Variants in SDC2 observed in about 807,000 individuals in gnomAD.
The protein encoded by SDC2 is syndecan 2.
Under a neutral mutation model 22.2 loss-of-function variants are expected in SDC2, and 13 were observed. The ratio of observed to expected loss-of-function variants is 0.59; its 90% confidence interval spans 0.38 to 0.93. The LOEUF (loss-of-function observed/expected upper bound fraction) is 0.93. Among genes scored for constraint, SDC2 ranks in the 40% least tolerant of loss-of-function variants. SDC2 has a pLI of 0.00. For missense variants in SDC2, 235 were observed against 246.8 expected (o/e 0.95, Z 0.32); for synonymous variants, 94 against 92.8 (o/e 1.01, Z -0.07).
intron 1 of SDC2, among the ~76,000 whole-genome samples, chr8:96,521,749 G>A (rs1018640189): frequency 6.6e-6 from 1 of 152,176 alleles, no homozygotes; most frequent in Non-Finnish European, 1.5e-5. Flanking sequence ...AGGTTGGGGA[G>A]CTAATTTCTT....
chr8:96,531,452 A>G (rs1331599087), intron 1 of SDC2, among the ~76,000 whole-genome samples: 1 of 152,204 alleles, frequency 6.6e-6, no homozygotes, highest in East Asian at 1.9e-4. Context: ...TAAACCCCAA[A>G]TTCAAGTTAA....
intron 1 of SDC2, among the ~76,000 whole-genome samples, chr8:96,564,670 T>A (rs1045704978): frequency 3.9e-5 from 6 of 152,206 alleles, no homozygotes; most frequent in African/African-American, 1.4e-4. Flanking sequence ...TTTCTTGTTT[T>A]CCTTACACAC....
At chr8:96,539,955 C>G (rs1813818211) in intron 1 of SDC2, among the ~76,000 whole-genome samples, 1 of 152,184 alleles carries the variant, frequency 6.6e-6, no homozygotes. Context: ...CAGGGTCTCA[C>G]TGTCACCCAG....
At chr8:96,564,718 C>G (rs1205641757) in intron 1 of SDC2, among the ~76,000 whole-genome samples, 1 of 152,122 alleles carries the variant, frequency 6.6e-6, no homozygotes, top group Admixed American at 6.6e-5. Context: ...ATAAAACTTT[C>G]CAAGAAAATA....
At chr8:96,549,793 A>G (rs1303845275) in intron 1 of SDC2, among the ~76,000 whole-genome samples, 1 of 152,206 alleles carries the variant, frequency 6.6e-6, no homozygotes, top group Non-Finnish European at 1.5e-5. Context: ...TTTTAGTTGA[A>G]TAAACATGTT....
At chr8:96,533,390 G>A (rs1451685360) in intron 1 of SDC2, among the ~76,000 whole-genome samples, 1 of 152,186 alleles carries the variant, frequency 6.6e-6, no homozygotes, top group Non-Finnish European at 1.5e-5. Context: ...GCTGATTGGT[G>A]CGTTTACAAT....
chr8:96,581,153 T>C (rs113347039), intron 1 of SDC2, among the ~76,000 whole-genome samples: 3 of 152,232 alleles, frequency 2.0e-5, no homozygotes, highest in Non-Finnish European at 4.4e-5. Context: ...TAATTGTCAC[T>C]AGTAAATTAC....
intron 3 of SDC2, among the ~76,000 whole-genome samples, chr8:96,605,036 A>G (rs1278486945): frequency 6.6e-6 from 1 of 152,148 alleles, no homozygotes; most frequent in East Asian, 1.9e-4. Flanking sequence ...TTCAGTTCCC[A>G]CACTCTCAGA....
intron 2 of SDC2, among the ~76,000 whole-genome samples, chr8:96,598,612 A>T (rs2575725): frequency 1.3e-5 from 2 of 151,756 alleles, no homozygotes; most frequent in Non-Finnish European, 2.9e-5. Flanking sequence ...GCAAAATTCC[A>T]TCTCAAAATA....
At chr8:96,556,697 T>C (rs1230455232) in intron 1 of SDC2, among the ~76,000 whole-genome samples, 16 of 152,238 alleles carry the variant, frequency 1.1e-4, no homozygotes, top group Admixed American at 8.5e-4. Flanking sequence ...GCAGTACCAT[T>C]GAGGACATAG....
At chr8:96,553,385 C>T (rs1014542043) in intron 1 of SDC2, among the ~76,000 whole-genome samples, 1 of 151,200 alleles carries the variant, frequency 6.6e-6, no homozygotes, top group South Asian at 2.1e-4. Flanking sequence ...ATACCTACAG[C>T]ATATTGTAAG....
intron 2 of SDC2, among the ~76,000 whole-genome samples, chr8:96,594,441 A>G (rs1209770069): frequency 6.6e-6 from 1 of 152,172 alleles, no homozygotes; most frequent in Non-Finnish European, 1.5e-5. Context: ...CAGCAAGTAG[A>G]AGTGTGCAAA....
chr8:96,513,074 C>T (rs960249128), intron 1 of SDC2, among the ~76,000 whole-genome samples: 11 of 152,108 alleles, frequency 7.2e-5, no homozygotes, highest in African/African-American at 2.4e-4. Flanking sequence ...TAAGGCCTTT[C>T]TCGCAAGCTT....
At chr8:96,566,342 G>A (rs1586303527) in intron 1 of SDC2, among the ~76,000 whole-genome samples, 1 of 152,188 alleles carries the variant, frequency 6.6e-6, no homozygotes, top group African/African-American at 2.4e-5. Context: ...CTATTTCAGA[G>A]CATTTGATTT....
Position 96,547,735 on chromosome 8 carries a change from A to ATT in SDC2, c.61-45733_61-45732dup, listed in dbSNP as rs201612267. Among the ~76,000 whole-genome samples, 400 of 145,260 alleles carry ATT rather than the reference A, an allele frequency of 2.8e-3. 9 individuals carry two copies. The East Asian group carries it at 0.068, about 25-fold the overall frequency. ...TTGACTTGGTATGGATCCTTGTTTG[A>ATT]TTTTTTTTTTTTTAAATTTTTATGT... is the stretch of plus-strand genomic sequence containing the variant. On this transcript the variant is annotated intron_variant, in intron 1 of 4. Transcript: ENST00000302190.
At chr8:96,562,162 T>C (rs1814220583) in intron 1 of SDC2, among the ~76,000 whole-genome samples, 1 of 152,208 alleles carries the variant, frequency 6.6e-6, no homozygotes, top group Non-Finnish European at 1.5e-5. Flanking sequence ...TTTGAGTTAA[T>C]TTTTGTGAAG....
At chr8:96,530,423 C>T (rs776247980) in intron 1 of SDC2, among the ~76,000 whole-genome samples, 1 of 152,202 alleles carries the variant, frequency 6.6e-6, no homozygotes, top group South Asian at 2.1e-4. Context: ...CACCTGAGAT[C>T]AGGAGTTCGA....
intron 1 of SDC2, among the ~76,000 whole-genome samples, chr8:96,554,890 C>T (rs1242973317): frequency 2.6e-5 from 4 of 152,280 alleles, no homozygotes; most frequent in African/African-American, 9.6e-5. Flanking sequence ...ACAGCTTTTC[C>T]TGTGGGCCCA....
At chr8:96,550,047 A>G (rs1295844282) in intron 1 of SDC2, among the ~76,000 whole-genome samples, 2 of 152,236 alleles carry the variant, frequency 1.3e-5, no homozygotes, top group Admixed American at 6.5e-5. Context: ...TAGACAGCAT[A>G]GATGGGTCTC....
Sources: gnomAD v4.1 joint callset for allele counts (sites outside exome capture counted in the v4.1 genomes callset) on GRCh38, gnomAD v4.1.1 for gene constraint, MANE v1.5 for transcripts, NCBI Gene and HGNC (gene_info 2026-07-23, HGNC 2026-07-21) for gene names.